The following YKT6 variants were observed in gnomAD, a reference collection of about 807,000 sequenced individuals.
YKT6 encodes YKT6 vesicular SNARE protein, also known as synaptobrevin homolog YKT6.
YKT6 carries 12 observed loss-of-function variants against 29.3 expected under a neutral mutation model. The ratio of observed to expected loss-of-function variants is 0.41; its 90% confidence interval spans 0.26 to 0.66. The LOEUF (loss-of-function observed/expected upper bound fraction) is 0.66. Ranked by LOEUF, YKT6 falls within the 30% of genes least tolerant of loss-of-function variation. The pLI is 0.32. For missense variants in YKT6, 188 were observed against 243.8 expected (o/e 0.77, Z 1.52); for synonymous variants, 86 against 94.3 (o/e 0.91, Z 0.51).
At chr7:44,204,063 G>A (rs149899849) in intron 1 of YKT6, among the ~76,000 whole-genome samples, 6 of 152,252 alleles carry the variant, frequency 3.9e-5, no homozygotes, top group Admixed American at 2.0e-4. Flanking sequence ...TTCTGTGGAC[G>A]AGCCCCAGCA....
rs1014802175 is a variant in YKT6, at chr7:44,213,143, A to G, written c.*861A>G. The G allele has an allele frequency of 2.0e-5, 3 of 152,242 alleles. No homozygotes were observed. The highest frequency in any genetic ancestry group is 4.4e-5 in the Non-Finnish European group (3 of 68,056). 9.4% of individuals were successfully genotyped at this position (152,242 alleles called of 1,614,324 possible). A position where few individuals can be genotyped will look rare whatever the true frequency, so the allele number is the denominator to read the frequency against. ...CACTCAGCTGCCCAGGGCCTCTGGG[A>G]CACTTGCCTTGACTTGCAACTTGCC... is the stretch of plus-strand genomic sequence containing the variant. On this transcript the variant is annotated 3_prime_UTR_variant, in exon 7 of 7. Transcript: ENST00000223369.
At chr7:44,212,058 C>T (rs924602457) in intron 6 of YKT6, among the ~76,000 whole-genome samples, 189 bp from the exon 7 acceptor site, 3 of 152,168 alleles carry the variant, frequency 2.0e-5, no homozygotes, top group South Asian at 2.1e-4. Context: ...AGCCGGGGCC[C>T]GCCTTGTGCT....
intron 1 of YKT6, among the ~76,000 whole-genome samples, chr7:44,203,641 T>C (rs61571878): frequency 0.011 from 1,712 of 152,356 alleles, 29 homozygotes; most frequent in African/African-American, 0.039. Flanking sequence ...CCTCAAGATA[T>C]TAACAAGTAA....
chr7:44,211,622 C>CCATA, intron 6 of YKT6: 1 of 1,002,842 alleles, frequency 1.0e-6, no homozygotes, highest in Non-Finnish European at 1.2e-6. Flanking sequence ...CTCATGTCTT[C>CCATA]CTATGTGGAG....
intron 3 of YKT6, among the ~76,000 whole-genome samples, 168 bp downstream of exon 3, chr7:44,206,653 C>T (rs1388134010): frequency 6.6e-6 from 1 of 152,176 alleles, no homozygotes; most frequent in Non-Finnish European, 1.5e-5. Flanking sequence ...ATTTGGCATC[C>T]CTGTATGGGT....
At chr7:44,202,329 T>G (rs2096336658) in intron 1 of YKT6, among the ~76,000 whole-genome samples, 1 of 152,184 alleles carries the variant, frequency 6.6e-6, no homozygotes. Flanking sequence ...TCTTTAAGCG[T>G]GTAGTGAGTG....
Position 44,201,172 on chromosome 7 carries a change from G to A in YKT6, c.37G>A (p.Glu13Lys), listed in dbSNP as rs2096335087. The change falls in exon 1 of 7, where the codon GAG becomes AAG. Residue 13 changes from glutamate (E) to lysine (K), a missense_variant. Coordinates refer to ENST00000223369, the MANE Select transcript of YKT6 (RefSeq NM_006555.4). ...CAGCCTCAGCGTCCTCTACAAAGGC[G>A]AGGCCAAGGTGGTGCTGCTCAAAGC... is the stretch of plus-strand genomic sequence containing the variant. ...LYSLSVLYKG[E>K]AKVVLLKAAY... 6.2e-7 allele frequency: 1 copy of A among 1,612,392 alleles called. No homozygotes were observed. Among genetic ancestry groups the A allele is most frequent in the African/African-American group, 1.3e-5 (1 of 74,954 alleles).
At chr7:44,207,560 C>T in intron 4 of YKT6, 68 bp downstream of exon 4, 2 of 1,379,340 alleles carry the variant, frequency 1.4e-6, no homozygotes, top group Non-Finnish European at 2.1e-6. Context: ...AAAAAGCCAA[C>T]TGCCCTGATA....
chr7:44,207,338 C>A, intron 3 of YKT6, 50 bp from the exon 4 acceptor site: 1 of 1,552,170 alleles, frequency 6.4e-7, no homozygotes, highest in Non-Finnish European at 8.9e-7. Flanking sequence ...TCATTGAGAC[C>A]ACTGGTGAGT....
chr7:44,206,146 C>G (rs2096340581), intron 2 of YKT6, among the ~76,000 whole-genome samples: 2 of 152,140 alleles, frequency 1.3e-5, no homozygotes, highest in African/African-American at 4.8e-5. Flanking sequence ...TTCTTTAAGC[C>G]CTGGCTTTGC....
Position 44,201,171 on chromosome 7 carries a change from C to A in YKT6, c.36C>A (p.Gly12=). 6.2e-7 allele frequency: 1 copy of A among 1,612,208 alleles called. No homozygotes were observed. The highest frequency in any genetic ancestry group is 8.5e-7 in the Non-Finnish European group (1 of 1,179,138). The change falls in exon 1 of 7, where the codon GGC becomes GGA. Residue 12 remains glycine (G), a synonymous_variant. Coordinates refer to ENST00000223369, the MANE Select transcript of YKT6 (RefSeq NM_006555.4). ...ACAGCCTCAGCGTCCTCTACAAAGG[C>A]GAGGCCAAGGTGGTGCTGCTCAAAG... ...KLYSLSVLYK[G]EAKVVLLKAA... is the part of the protein sequence containing the mutation.
At chr7:44,210,574 C>CGGTTGG (rs755139847) in intron 5 of YKT6, 1 of 256,814 alleles carries the variant, frequency 3.9e-6, no homozygotes, top group Non-Finnish European at 7.8e-6. Flanking sequence ...TTCTGGGATG[C>CGGTTGG]GGTTGGGGTT....
intron 6 of YKT6, chr7:44,211,633 A>C: frequency 1.0e-6 from 1 of 1,000,310 alleles, no homozygotes; most frequent in South Asian, 4.4e-5. Context: ...CTATGTGGAG[A>C]TGGCACTGTT....
chr7:44,210,332 C>T (rs976898784), intron 5 of YKT6, among the ~76,000 whole-genome samples: 1 of 152,256 alleles, frequency 6.6e-6, no homozygotes, highest in Non-Finnish European at 1.5e-5. Flanking sequence ...CTCTCTCCAG[C>T]CTCTGGTGGC....
chr7:44,203,675 C>G (rs900978512), intron 1 of YKT6, among the ~76,000 whole-genome samples: 4 of 152,112 alleles, frequency 2.6e-5, no homozygotes, highest in Non-Finnish European at 5.9e-5. Flanking sequence ...GGCATTGTTC[C>G]AAGTGCTTTA....
At chr7:44,208,286 T>C in intron 5 of YKT6, 88 bp downstream of exon 5, 1 of 1,433,782 alleles carries the variant, frequency 7.0e-7, no homozygotes. Context: ...ATCCTCGTTT[T>C]AATATAATAG....
intron 5 of YKT6, among the ~76,000 whole-genome samples, chr7:44,209,559 A>G (rs917846473): frequency 6.6e-6 from 1 of 152,182 alleles, no homozygotes; most frequent in Non-Finnish European, 1.5e-5. Context: ...ACCCAGCCTC[A>G]TCTAGCTGCA....
At chr7:44,210,881 C>T (rs567936199) in intron 5 of YKT6, 142 bp from the exon 6 acceptor site, 34 of 756,508 alleles carry the variant, frequency 4.5e-5, no homozygotes, top group Middle Eastern at 4.7e-4. Context: ...ATTCTTGGAC[C>T]GAGTCTCGAC....
Position 44,201,147 on chromosome 7 carries a change from C to T in YKT6, c.12C>T (p.Tyr4=), listed in dbSNP as rs2096335024. ...GAGGGCGCGGAGCCATGAAGCTGTA[C>T]AGCCTCAGCGTCCTCTACAAAGGCG... The part of the protein sequence containing the change: MKL[Y]SLSVLYKGEA... The change falls in exon 1 of 7, where the codon TAC becomes TAT. Residue 4 remains tyrosine, a synonymous_variant. Transcript: ENST00000223369. 1.9e-6 allele frequency: 3 copies of T among 1,604,546 alleles called. No individual in the cohort carries two copies. The highest frequency in any genetic ancestry group is 2.7e-5 in the African/African-American group (2 of 74,006).
Sources: gnomAD v4.1 joint callset for allele counts (sites outside exome capture counted in the v4.1 genomes callset) on GRCh38, gnomAD v4.1.1 for gene constraint, MANE v1.5 for transcripts, NCBI Gene and HGNC (gene_info 2026-07-23, HGNC 2026-07-21) for gene names.